RSPH14: variants seen among roughly 807,000 people sequenced by gnomAD.
RSPH14 encodes the protein radial spoke head 14 homolog, also known as rhabdoid tumor deletion region gene 1.
In RSPH14, 20 loss-of-function variants were observed where a neutral mutation model predicts 26.7. The observed-to-expected ratio is 0.75, with a 90% CI of 0.53 to 1.09. The LOEUF is 1.09. Among genes scored for constraint, RSPH14 ranks in the 50% least tolerant of loss-of-function variants. The pLI is 0.00. For missense variants in RSPH14, 449 were observed against 457.2 expected (o/e 0.98, Z 0.16); for synonymous variants, 177 against 189.3 (o/e 0.93, Z 0.53).
chr22:23,120,597 TC>T (rs2069988900), intron 4 of RSPH14, among the ~76,000 whole-genome samples: 1 of 152,038 alleles, frequency 6.6e-6, no homozygotes, highest in Non-Finnish European at 1.5e-5. Flanking sequence ...TCAACTGTCA[TC>T]CCCAAGTGAC....
intron 4 of RSPH14, among the ~76,000 whole-genome samples, chr22:23,077,799 G>C (rs909435223): frequency 3.9e-5 from 6 of 152,314 alleles, no homozygotes; most frequent in African/African-American, 1.4e-4. Context: ...ATGGGTGGGA[G>C]AACTTGGCAC....
At chr22:23,172,265 A>G in the RSPH14 span, among the ~76,000 whole-genome samples, 1 of 152,084 alleles carries the variant, frequency 6.6e-6, no homozygotes, top group Non-Finnish European at 1.5e-5. Flanking sequence ...GGCTCACTAC[A>G]ATCTCTGCCT....
chr22:23,110,696 A>C (rs1473437473), intron 4 of RSPH14, among the ~76,000 whole-genome samples: 1 of 152,226 alleles, frequency 6.6e-6, no homozygotes, highest in Non-Finnish European at 1.5e-5. Flanking sequence ...TGAGACTCTG[A>C]GGGTGAGGGT....
the RSPH14 span, among the ~76,000 whole-genome samples, chr22:23,158,301 A>G: frequency 2.6e-5 from 4 of 152,220 alleles, no homozygotes; most frequent in Non-Finnish European, 4.4e-5. Context: ...GAGGGGCCCC[A>G]ACCTGCTTTA....
intron 4 of RSPH14, among the ~76,000 whole-genome samples, chr22:23,086,993 CGATAAGT>C (rs2068838230): frequency 6.6e-6 from 1 of 152,190 alleles, no homozygotes; most frequent in African/African-American, 2.4e-5. Context: ...CATGCGGCTC[CGATAAGT>C]CGGGCGTAAA....
chr22:23,090,607 T>C (rs527738795), intron 4 of RSPH14, among the ~76,000 whole-genome samples: 2 of 152,274 alleles, frequency 1.3e-5, no homozygotes, highest in South Asian at 4.1e-4. Context: ...TGGTCAGGCA[T>C]GCTCCCACTT....
the RSPH14 span, chr22:23,164,211 C>A: frequency 1.3e-5 from 2 of 152,326 alleles, no homozygotes; most frequent in Non-Finnish European, 2.9e-5. Flanking sequence ...TTCCCTTGCC[C>A]CTTCGGGCCT....
At chr22:23,144,252 A>G (rs2070667388), upstream of RSPH14, among the ~76,000 whole-genome samples, 1 of 150,398 alleles carries the variant, frequency 6.6e-6, no homozygotes, top group Admixed American at 6.6e-5. Context: ...CTAATTCTCT[A>G]TTTACTTCTC....
At chr22:23,167,467 C>T in the RSPH14 span, among the ~76,000 whole-genome samples, 13 of 152,318 alleles carry the variant, frequency 8.5e-5, no homozygotes, top group African/African-American at 3.1e-4. Flanking sequence ...TCCCCCTCCT[C>T]CCAGCCCTGC....
the RSPH14 span, chr22:23,157,884 G>A: frequency 2.5e-6 from 4 of 1,579,234 alleles, no homozygotes; most frequent in Admixed American, 3.5e-5. Flanking sequence ...TGAGTGCCTG[G>A]TTGGGGGGCT....
chr22:23,117,344 A>G (rs2069875677), intron 4 of RSPH14, among the ~76,000 whole-genome samples: 1 of 152,200 alleles, frequency 6.6e-6, no homozygotes, highest in Non-Finnish European at 1.5e-5. Context: ...CACATCGGCC[A>G]TTGCATCTCC....
chr22:23,159,134 G>T, the RSPH14 span: 1 of 1,607,608 alleles, frequency 6.2e-7, no homozygotes, highest in Non-Finnish European at 8.5e-7. Flanking sequence ...GAGCCGGGAC[G>T]CTGGGTCAAC....
intron 4 of RSPH14, among the ~76,000 whole-genome samples, chr22:23,067,461 C>T (rs2068237188): frequency 6.6e-6 from 1 of 152,236 alleles, no homozygotes; most frequent in African/African-American, 2.4e-5. Flanking sequence ...CCACACATGG[C>T]ATCTGGGGCC....
At chr22:23,078,803 A>G (rs1310735766) in intron 4 of RSPH14, among the ~76,000 whole-genome samples, 1 of 152,212 alleles carries the variant, frequency 6.6e-6, no homozygotes, top group Non-Finnish European at 1.5e-5. Context: ...AGGGGTAGCA[A>G]CAGAAGCCCA....
intron 4 of RSPH14, chr22:23,123,911 G>A (rs940271689): frequency 4.7e-6 from 1 of 214,056 alleles, no homozygotes; most frequent in African/African-American, 2.3e-5. Flanking sequence ...CAAGAGGGAG[G>A]ACCAGTGCAG....
At chr22:23,173,729 C>T in the RSPH14 span, among the ~76,000 whole-genome samples, 166 of 148,814 alleles carry the variant, frequency 1.1e-3, no homozygotes, top group African/African-American at 3.9e-3. Context: ...TATTTTGAGA[C>T]GGAGTCTCGC....
chr22:23,151,027 C>G, the RSPH14 span, among the ~76,000 whole-genome samples: 488 of 152,336 alleles, frequency 3.2e-3, 4 homozygotes, highest in African/African-American at 0.011. Flanking sequence ...CAAATAGGTA[C>G]AAGGGCCTGC....
At chr22:23,128,312 T>C (rs1601850388) in intron 4 of RSPH14, among the ~76,000 whole-genome samples, 1 of 152,322 alleles carries the variant, frequency 6.6e-6, no homozygotes, top group Middle Eastern at 3.4e-3. Flanking sequence ...AGGGACACTC[T>C]GGCCTCTTGG....
chr22:23,115,588 G>A (rs1298970257), intron 4 of RSPH14, among the ~76,000 whole-genome samples: 1 of 152,246 alleles, frequency 6.6e-6, no homozygotes, highest in Middle Eastern at 3.4e-3. Context: ...AGGAAGGTGG[G>A]GTGACCCTGC....
Sources: allele counts gnomAD v4.1 joint callset (sites outside exome capture counted in the v4.1 genomes callset), GRCh38; gene constraint gnomAD v4.1.1; transcripts MANE v1.5; gene names NCBI Gene and HGNC (gene_info 2026-07-23, HGNC 2026-07-21).